Variants in PUS10 observed in about 807,000 individuals in gnomAD.
The protein encoded by PUS10 is pseudouridine synthase 10.
PUS10 carries 59 observed loss-of-function variants against 75.0 expected under a neutral mutation model. The ratio of observed to expected loss-of-function variants is 0.79; its 90% CI spans 0.64 to 0.98. PUS10 has a LOEUF of 0.98. PUS10 is among the 50% of genes least tolerant of loss of function. The probability of loss-of-function intolerance (pLI) is 0.00; values close to 1 mark genes in which losing one functional copy is unlikely to be tolerated. For missense variants in PUS10, 650 were observed against 614.4 expected (o/e 1.06, Z -0.61); for synonymous variants, 219 against 211.6 (o/e 1.03, Z -0.30).
At chr2:60,970,357 C>T (rs909964201) in intron 5 of PUS10, among the ~76,000 whole-genome samples, 1 of 152,126 alleles carries the variant, frequency 6.6e-6, no homozygotes, top group Admixed American at 6.5e-5. Context: ...TTCTATAAGT[C>T]ACTTAACCAA....
chr2:60,972,882 G>T (rs1558919553), intron 4 of PUS10, among the ~76,000 whole-genome samples: 2 of 152,224 alleles, frequency 1.3e-5, no homozygotes, highest in African/African-American at 4.8e-5. Context: ...CGTCAGCCAA[G>T]TAGAATAAAT....
intron 4 of PUS10, among the ~76,000 whole-genome samples, chr2:60,975,805 A>G (rs1310523957): frequency 1.3e-5 from 2 of 151,606 alleles, no homozygotes; most frequent in African/African-American, 2.4e-5. Flanking sequence ...TCTGTCACCC[A>G]GGCTGGAGTG....
chr2:60,982,680 T>A (rs1186608361), intron 4 of PUS10, among the ~76,000 whole-genome samples: 1 of 152,216 alleles, frequency 6.6e-6, no homozygotes. Context: ...CAAAAACAGA[T>A]AATTTCTTTG....
intron 15 of PUS10, among the ~76,000 whole-genome samples, chr2:60,948,632 A>C (rs966249920): frequency 1.8e-4 from 27 of 152,154 alleles, no homozygotes; most frequent in African/African-American, 6.5e-4. Flanking sequence ...ATGTCTGGAA[A>C]AGTTATGAAT....
chr2:61,016,973 G>T (rs954832044), intron 1 of PUS10, among the ~76,000 whole-genome samples: 4 of 152,036 alleles, frequency 2.6e-5, no homozygotes, highest in African/African-American at 9.7e-5. Flanking sequence ...TTCATCCCGA[G>T]ATCTAACCTC....
intron 15 of PUS10, among the ~76,000 whole-genome samples, chr2:60,952,334 CA>C (rs78551218): frequency 0.25 from 25,452 of 100,252 alleles, 1,875 homozygotes; most frequent in Middle Eastern, 0.37. Flanking sequence ...GACTCTGTCT[CA>C]AAAAAAAAAA....
rs1178588746 is a variant in PUS10, at chr2:61,017,805, C to T, written c.-16+203G>A. The T allele has an allele frequency of 3.0e-5, 46 of 1,550,436 alleles. No homozygotes were observed. The highest frequency in any genetic ancestry group is 3.8e-5 in the Non-Finnish European group (44 of 1,146,892). Reference sequence around the variant, plus strand: ...TCCCCCCAAACCCTGGGAGACCCGCCGAATTCCGGGAGCCGGACCGGGACC... The same window carrying T: ...TCCCCCCAAACCCTGGGAGACCCGCTGAATTCCGGGAGCCGGACCGGGACC... On this transcript the variant is annotated intron_variant, in intron 1 of 17. Coordinates refer to ENST00000316752, the MANE Select transcript of PUS10 (RefSeq NM_144709.4).
chr2:60,946,365 A>G (rs2104115864), intron 16 of PUS10, among the ~76,000 whole-genome samples: 1 of 152,332 alleles, frequency 6.6e-6, no homozygotes, highest in African/African-American at 2.4e-5. Flanking sequence ...TGTGGCATCT[A>G]AAGCTTTAAC....
intron 4 of PUS10, among the ~76,000 whole-genome samples, chr2:60,975,360 T>G (rs1229731781): frequency 6.6e-6 from 1 of 152,110 alleles, no homozygotes. Flanking sequence ...TTGGCCAGGA[T>G]GGTCTCAGTA....
At chr2:60,977,968 A>C (rs1677140427) in intron 4 of PUS10, among the ~76,000 whole-genome samples, 1 of 152,210 alleles carries the variant, frequency 6.6e-6, no homozygotes, top group African/African-American at 2.4e-5. Flanking sequence ...AACGATAATA[A>C]ACATTAAGCT....
intron 15 of PUS10, among the ~76,000 whole-genome samples, chr2:60,949,838 G>A (rs1414762838): frequency 2.0e-5 from 3 of 151,904 alleles, no homozygotes; most frequent in African/African-American, 4.8e-5. Flanking sequence ...CTGTGGCCTC[G>A]ACCTCCTGGG....
chr2:60,959,281 C>A (rs927946978), intron 11 of PUS10, among the ~76,000 whole-genome samples: 6 of 152,208 alleles, frequency 3.9e-5, no homozygotes, highest in African/African-American at 1.4e-4. Flanking sequence ...TCCTCATATT[C>A]CCCCAAAGAG....
intron 4 of PUS10, among the ~76,000 whole-genome samples, chr2:60,989,493 C>T (rs1383055109): frequency 6.6e-6 from 1 of 152,158 alleles, no homozygotes; most frequent in African/African-American, 2.4e-5. Flanking sequence ...TGGACCTTGG[C>T]AGATTGCTAG....
chr2:60,981,589 T>C (rs1677398537), intron 4 of PUS10, among the ~76,000 whole-genome samples: 1 of 152,238 alleles, frequency 6.6e-6, no homozygotes, highest in African/African-American at 2.4e-5. Context: ...GCCTAAAAAA[T>C]ATTTATTAAT....
intron 4 of PUS10, among the ~76,000 whole-genome samples, chr2:60,999,372 T>TG (rs1482800096): frequency 6.6e-6 from 1 of 152,132 alleles, no homozygotes; most frequent in Admixed American, 6.5e-5. Flanking sequence ...ACTAGCACTT[T>TG]GGGAGGCCAC....
chr2:61,006,364 A>G (rs184599373), intron 4 of PUS10, among the ~76,000 whole-genome samples, 193 bp downstream of exon 4: 1 of 152,358 alleles, frequency 6.6e-6, no homozygotes, highest in East Asian at 1.9e-4. Context: ...CTTTGTTAGG[A>G]CACAACTAAT....
chr2:60,962,682 T>C, intron 9 of PUS10, 144 bp downstream of exon 9: 5 of 1,339,948 alleles, frequency 3.7e-6, no homozygotes, highest in Non-Finnish European at 2.9e-6. Flanking sequence ...TACTGCACCA[T>C]GGGTTGGAGA....
intron 4 of PUS10, among the ~76,000 whole-genome samples, chr2:60,994,306 T>G (rs1035031743): frequency 1.3e-5 from 2 of 151,688 alleles, no homozygotes; most frequent in African/African-American, 4.8e-5. Context: ...AAAACTTCAT[T>G]GGGACTTCCA....
At chr2:60,995,520 G>A (rs769168620) in intron 4 of PUS10, among the ~76,000 whole-genome samples, 41 of 152,214 alleles carry the variant, frequency 2.7e-4, no homozygotes, top group Middle Eastern at 6.8e-3. Context: ...ACAGTTCTAC[G>A]CAACAAGAAA....
Sources: allele counts gnomAD v4.1 joint callset (sites outside exome capture counted in the v4.1 genomes callset), GRCh38; gene constraint gnomAD v4.1.1; transcripts MANE v1.5; gene names NCBI Gene and HGNC (gene_info 2026-07-23, HGNC 2026-07-21).